The following STAT4 variants were observed in gnomAD, a reference collection of about 807,000 sequenced individuals.
STAT4 encodes signal transducer and activator of transcription 4.
STAT4 carries 42 observed loss-of-function variants against 110.5 expected under a neutral mutation model. The observed-to-expected ratio is 0.38, with a 90% CI of 0.30 to 0.49. The LOEUF (loss-of-function observed/expected upper bound fraction) is 0.49. Among genes scored for constraint, STAT4 ranks in the 20% least tolerant of loss-of-function variants. The pLI is 0.95. For synonymous variants in STAT4, 284 were observed against 302.2 expected (o/e 0.94, Z 0.63); for missense variants, 632 against 887.9 (o/e 0.71, Z 3.66).
At chr2:191,111,247 TACTTA>T (rs1290877691) in intron 3 of STAT4, among the ~76,000 whole-genome samples, 9 of 152,220 alleles carry the variant, frequency 5.9e-5, no homozygotes, top group Admixed American at 3.9e-4. Context: ...TCCTCTCCTC[TACTTA>T]ACTTCTTATC....
At chr2:191,137,432 C>G (rs2356349) in intron 3 of STAT4, among the ~76,000 whole-genome samples, 94,251 of 151,998 alleles carry the variant, frequency 0.62, 29,476 homozygotes, top group Admixed American at 0.68. Context: ...TCATACTGCC[C>G]AAAGCAATCT....
At chr2:191,139,463 C>T (rs1355886573) in intron 3 of STAT4, among the ~76,000 whole-genome samples, 1 of 152,160 alleles carries the variant, frequency 6.6e-6, no homozygotes, top group East Asian at 1.9e-4. Flanking sequence ...AACGACCAAG[C>T]TGAGAATCAA....
chr2:191,032,837 C>A lies in STAT4; in HGVS notation c.2044+121G>T. 9.5e-7 allele frequency: 1 copy of A among 1,052,764 alleles called. No homozygotes were observed. The highest frequency in any genetic ancestry group is 1.4e-6 in the Non-Finnish European group (1 of 733,940). The allele number at this position is 1,052,764 out of a possible 1,614,324, so 65.2% of individuals were successfully genotyped here. ...TTCTAAGGCTTTGACCTCCACATGC[C>A]CTTAGATCTTACAGAAATCAGAGTA... On this transcript the variant is annotated intron_variant, in intron 21 of 23. Coordinates refer to ENST00000392320, the MANE Select transcript of STAT4 (RefSeq NM_003151.4). This position sits in a 1 kb window ranked among gnomAD's most constrained non-coding sequence, Gnocchi z 4.9.
chr2:191,106,578 C>T (rs969434829), intron 3 of STAT4, among the ~76,000 whole-genome samples: 1 of 151,468 alleles, frequency 6.6e-6, no homozygotes, highest in African/African-American at 2.4e-5. Flanking sequence ...ATCGCTTGAA[C>T]CTGGGAGGCG....
intron 14 of STAT4, among the ~76,000 whole-genome samples, chr2:191,048,490 T>C (rs1696415239): frequency 6.6e-6 from 1 of 152,004 alleles, no homozygotes; most frequent in African/African-American, 2.4e-5. Context: ...AGATGCACCA[T>C]TAGGGCCGGG....
chr2:191,102,005 C>T (rs1574156601), intron 3 of STAT4, among the ~76,000 whole-genome samples: 1 of 147,138 alleles, frequency 6.8e-6, no homozygotes, highest in East Asian at 2.0e-4. Context: ...TATCTTTGCC[C>T]AACCTTTTTT....
rs2125376200 is a variant in STAT4 at position 191,116,143 on chromosome 2, T to C, written c.273+30470A>G. Among the ~76,000 whole-genome samples, 1 of 152,342 alleles carries C rather than the reference T, an allele frequency of 6.6e-6. No homozygotes were observed. Among genetic ancestry groups the C allele is most frequent in the African/African-American group, 2.4e-5 (1 of 41,584 alleles). On this transcript the variant is annotated intron_variant, in intron 3 of 23. Coordinates refer to ENST00000392320, the MANE Select transcript of STAT4 (RefSeq NM_003151.4). This position sits in a 1 kb window ranked among gnomAD's most constrained non-coding sequence, Gnocchi z 4.1. ...TGTAATGCTTTGGTAAGGGCCGTGA[T>C]GGACAAAGTCAATGGTACTCTTCCA... is the stretch of plus-strand genomic sequence containing the variant.
chr2:191,130,957 G>GT (rs1699019897), intron 3 of STAT4, among the ~76,000 whole-genome samples: 1 of 21,678 alleles, frequency 4.6e-5, no homozygotes, highest in African/African-American at 1.2e-4. Flanking sequence ...TATTAAAAAA[G>GT]GATGAAAATT....
chr2:191,131,736 G>A (rs1699042135), intron 3 of STAT4: 1 of 1,244,502 alleles, frequency 8.0e-7, no homozygotes, highest in Admixed American at 4.2e-5. Context: ...TTTTGTATTA[G>A]AAGGAATAGA....
intron 3 of STAT4, among the ~76,000 whole-genome samples, chr2:191,130,220 CTTTTTTT>C (rs34523590): frequency 8.6e-6 from 1 of 115,826 alleles, no homozygotes; most frequent in Admixed American, 9.2e-5. Context: ...GTCTATCTCC[CTTTTTTT>C]TTTTTTTTTT....
At chr2:191,141,551 T>A (rs934423164) in intron 3 of STAT4, among the ~76,000 whole-genome samples, 10 of 146,662 alleles carry the variant, frequency 6.8e-5, no homozygotes, top group Non-Finnish European at 8.9e-5. Flanking sequence ...ATATATATAT[T>A]TTTATATATA....
intron 14 of STAT4, among the ~76,000 whole-genome samples, chr2:191,044,286 G>C (rs1027411412): frequency 6.6e-6 from 1 of 152,104 alleles, no homozygotes; most frequent in Non-Finnish European, 1.5e-5. Context: ...CAGGAAACCA[G>C]TTTAAAAGTT....
In STAT4 at chr2:191,062,822, G is replaced by A. The variant is rs765796756; in HGVS notation, c.881C>T (p.Pro294Leu). Residue 294 changes from proline to leucine, a missense_variant, in exon 9 of 24, where the codon CCA becomes CTA. Pro to Leu is a moderately conservative substitution (Grantham distance 98, BLOSUM62 -3). Transcript: ENST00000392320. The surrounding 1 kb of genome is among the most constrained non-coding windows in gnomAD (Gnocchi z 4.9). ...TTCTAGCATGTGAGTTCTTTGCATT[G>A]GAATGGGATCACCTTCATATGTCAT... ...TKMTYEGDPI[P>L]MQRTHMLERV... 6.2e-7 allele frequency: 1 copy of A among 1,613,884 alleles called. No individual in the cohort carries two copies. Among genetic ancestry groups the A allele is most frequent in the South Asian group, 1.1e-5 (1 of 91,078 alleles).
chr2:191,133,196 A>T (rs1327075043), intron 3 of STAT4, among the ~76,000 whole-genome samples: 1 of 151,134 alleles, frequency 6.6e-6, no homozygotes, highest in Non-Finnish European at 1.5e-5. Flanking sequence ...ATATATATTA[A>T]TAATATGGTT....
chr2:191,030,982 A>G lies in STAT4; in HGVS notation c.2210T>C (p.Ile737Thr). 3.1e-6 allele frequency: 5 copies of G among 1,613,790 alleles called. No homozygotes were observed. The highest frequency in any genetic ancestry group is 1.1e-5 in the South Asian group (1 of 91,078). ...VLRENLSPTT[I>T]ETAMKSPYSA... ...ATAAAGGGAACATACTGCAGTTTCA[A>G]TTGTTGTGGGACTCAGGTTTTCTCT... is the stretch of plus-strand genomic sequence containing the variant. Residue 737 changes from isoleucine to threonine, a missense_variant, in exon 23 of 24, where the codon ATT becomes ACT. By Grantham distance (89) the Ile-to-Thr change is moderately conservative. Around this residue, in one of 4 missense-constraint regions of STAT4, gnomAD observed 32 missense variants for 67.6 expected, o/e 0.47. Transcript: ENST00000392320. The surrounding 1 kb of genome is among the most constrained non-coding windows in gnomAD (Gnocchi z 4.4).
chr2:191,112,251 C>T lies in STAT4; in HGVS notation c.273+34362G>A, dbSNP rs1698444478. 6.6e-6 allele frequency among the ~76,000 whole-genome samples: 1 copy of T among 151,634 alleles called. No individual in the cohort carries two copies. The highest frequency in any genetic ancestry group is 1.5e-5 in the Non-Finnish European group (1 of 67,868). ...ATGTATGTAACATTTGGGGTGTAGA[C>T]TCTGGATTCAAAGAAAACCAAATCA... On this transcript the variant is annotated intron_variant, in intron 3 of 23. Coordinates refer to ENST00000392320, the MANE Select transcript of STAT4 (RefSeq NM_003151.4). The surrounding 1 kb of genome is among the most constrained non-coding windows in gnomAD (Gnocchi z 4.3).
intron 3 of STAT4, among the ~76,000 whole-genome samples, chr2:191,119,388 A>G (rs147845958): frequency 2.3e-4 from 35 of 152,276 alleles, no homozygotes; most frequent in Admixed American, 2.3e-3. Context: ...TTTTAATTTC[A>G]TTGTGCTTAT....
Position 191,111,609 on chromosome 2 carries a change from T to G in STAT4, c.273+35004A>C, listed in dbSNP as rs193262472. On this transcript the variant is annotated intron_variant, in intron 3 of 23. Transcript: ENST00000392320. ...GGCTCATGCCTGTAATCCCAACACT[T>G]CGGGAGGCTGAGGCATGAAGATCTT... 8.9e-4 allele frequency among the ~76,000 whole-genome samples: 136 copies of G among 152,246 alleles called. 1 individual carries two copies. In the Middle Eastern group the frequency reaches 0.014, roughly 15 times the overall value.
rs1699395208 is a variant in STAT4, at chr2:191,143,828, T to C, written c.273+2785A>G. ...CTTTTTTGTGGGGAAGAGAGGATCT[T>C]ATTTTTTAAAAAAGACTCATCATAC... On this transcript the variant is annotated intron_variant, in intron 3 of 23. Coordinates refer to ENST00000392320, the MANE Select transcript of STAT4 (RefSeq NM_003151.4). This position sits in a 1 kb window ranked among gnomAD's most constrained non-coding sequence, Gnocchi z 5.6. Among the ~76,000 whole-genome samples the C allele has an allele frequency of 6.6e-6, 1 of 152,062 alleles. No individual in the cohort carries two copies. Among genetic ancestry groups the C allele is most frequent in the African/African-American group, 2.4e-5 (1 of 41,392 alleles).
Sources: allele counts gnomAD v4.1 joint callset (sites outside exome capture counted in the v4.1 genomes callset), GRCh38; gene constraint gnomAD v4.1.1; regional missense constraint gnomAD v4.1.1; non-coding constraint Gnocchi (gnomAD v3.1); transcripts MANE v1.5; gene names NCBI Gene and HGNC (gene_info 2026-07-23, HGNC 2026-07-21).